Variants in C17orf75 observed in about 807,000 individuals in gnomAD.
The protein encoded by C17orf75 is protein Njmu-R1.
A neutral mutation model predicts 49.6 loss-of-function variants in C17orf75; 32 were observed. The observed-to-expected ratio is 0.65, with a 90% CI of 0.49 to 0.87. C17orf75 has a LOEUF of 0.87. Among genes scored for constraint, C17orf75 ranks in the 40% least tolerant of loss-of-function variants. The pLI, the probability that C17orf75 is intolerant of heterozygous loss-of-function variation, is 0.00. For synonymous variants in C17orf75, 158 were observed against 159.5 expected, an observed-to-expected ratio of 0.99 and a Z score of 0.07; for missense variants, 428 against 473.9, an observed-to-expected ratio of 0.90 and a Z score of 0.90.
Position 32,342,134 on chromosome 17 carries a change from G to A in C17orf75, c.6C>T (p.Leu2=), listed in dbSNP as rs747363400. The A allele has an allele frequency of 1.1e-5, 17 of 1,598,408 alleles. No individual in the cohort carries two copies. The highest frequency in any genetic ancestry group is 1.3e-5 in the Non-Finnish European group (15 of 1,173,440). ...CATCCATCGACTCCTGCAAAGAGGG[G>A]AGCATTGCGGCGGCCTCTGAGCGGC... M[L]PSLQESMDGD... is the part of the protein sequence containing the mutation. The change falls in exon 1 of 10, where the codon CTC becomes CTT. Residue 2 remains leucine, a synonymous_variant. Coordinates refer to ENST00000577809, the MANE Select transcript of C17orf75 (RefSeq NM_022344.4).
chr17:32,348,215 G>T (rs1214881389), intron 1 of C17orf75, among the ~76,000 whole-genome samples: 1 of 151,744 alleles, frequency 6.6e-6, no homozygotes, highest in Non-Finnish European at 1.5e-5. Context: ...TAAAGACCGG[G>T]TTTCACCATG....
At chr17:32,332,086 C>T in intron 9 of C17orf75, 108 bp from the exon 10 acceptor site, 1 of 902,768 alleles carries the variant, frequency 1.1e-6, no homozygotes. Context: ...GAATTGTTTG[C>T]TTTTCATATT....
chr17:32,347,672 C>T (rs1227009173), intron 1 of C17orf75, among the ~76,000 whole-genome samples: 1 of 152,108 alleles, frequency 6.6e-6, no homozygotes, highest in East Asian at 1.9e-4. Context: ...CTTGCTGCAT[C>T]CTCATTTGGT....
chr17:32,331,961 G>C lies in C17orf75; in HGVS notation c.993C>G (p.Asn331Lys). 9 of 1,612,034 alleles carry C rather than the reference G, an allele frequency of 5.6e-6. No individual in the cohort carries two copies. Among genetic ancestry groups the C allele is most frequent in the Non-Finnish European group, 5.9e-6 (7 of 1,179,104 alleles). Residue 331 changes from asparagine to lysine, a missense_variant, in exon 10 of 10, where the codon AAC becomes AAG. By Grantham distance (94) the Asn-to-Lys change is moderately conservative (BLOSUM62 0). Transcript: ENST00000577809. The part of the protein sequence containing the change: ...NFKLKAIQDT[N>K]NLKRFIRQAE... ...CCTGTCGGATAAATCTCTTCAAATT[G>C]TTTGTGTCTTGTATGGCCTAGAAAA...
At position 32,335,310 on chromosome 17, in the gene C17orf75, T is replaced by C. The variant is rs759435971; in HGVS notation, c.669+13A>G. 7.4e-6 allele frequency: 12 copies of C among 1,612,934 alleles called. No individual in the cohort carries two copies. The highest frequency in any genetic ancestry group is 9.3e-6 in the Non-Finnish European group (11 of 1,179,514). On this transcript the variant is annotated intron_variant, in intron 6 of 9. Coordinates refer to ENST00000577809, the MANE Select transcript of C17orf75 (RefSeq NM_022344.4). Reference sequence around the variant, plus strand: ...TCTCAGTTAAGGAAATGCTCTCATTTGGCAGTACTTACAGCATGTAGCAGA... The same window carrying C: ...TCTCAGTTAAGGAAATGCTCTCATTCGGCAGTACTTACAGCATGTAGCAGA...
chr17:32,341,092 C>T (rs1430830861), intron 2 of C17orf75, 112 bp downstream of exon 2: 20 of 1,128,658 alleles, frequency 1.8e-5, no homozygotes, highest in African/African-American at 3.1e-5. Context: ...GAGGAATTGA[C>T]GGTTTGACTC....
In C17orf75 at chr17:32,334,846, G is replaced by C; in HGVS notation, c.670-7C>G. ...CAGGAGTGTAACTCAAAGCCTATGA[G>C]AGAAAAATAAAGCCTGATTGGTACA... is the stretch of plus-strand genomic sequence containing the variant. On this transcript the variant is annotated splice_polypyrimidine_tract_variant and splice_region_variant and intron_variant, in intron 6 of 9. Transcript: ENST00000577809. 6.2e-7 allele frequency: 1 copy of C among 1,600,946 alleles called. No individual in the cohort carries two copies. Among genetic ancestry groups the C allele is most frequent in the Non-Finnish European group, 8.5e-7 (1 of 1,174,740 alleles).
intron 1 of C17orf75, among the ~76,000 whole-genome samples, chr17:32,341,512 C>CA (rs2041380128): frequency 6.6e-6 from 1 of 152,088 alleles, no homozygotes; most frequent in South Asian, 2.1e-4. Flanking sequence ...CCAGAAGGTT[C>CA]AAGGAAACTC....
In C17orf75 at chr17:32,331,725, T is replaced by G. The variant is rs775609529; in HGVS notation, c.*38A>C. 5 of 1,509,440 alleles carry G rather than the reference T, an allele frequency of 3.3e-6. No homozygotes were observed. The highest frequency in any genetic ancestry group is 3.7e-6 in the Non-Finnish European group (4 of 1,086,150). 93.5% of individuals were successfully genotyped at this position (1,509,440 alleles called of 1,614,324 possible). A position where few individuals can be genotyped will look rare whatever the true frequency, so the allele number is the denominator to read the frequency against. On this transcript the variant is annotated 3_prime_UTR_variant, in exon 10 of 10. Transcript: ENST00000577809. ...GCAATTTCAAACACTAAGACTTAAA[T>G]ATACAACTTGATCATACAATTATCT...
At chr17:32,334,160 T>C (rs1196287683) in intron 8 of C17orf75, among the ~76,000 whole-genome samples, 2 of 152,258 alleles carry the variant, frequency 1.3e-5, no homozygotes, top group African/African-American at 4.8e-5. Flanking sequence ...AGTTTTCTTG[T>C]TGATAAACAC....
At chr17:32,349,220 C>T (rs1167177097) in intron 1 of C17orf75, among the ~76,000 whole-genome samples, 1 of 152,166 alleles carries the variant, frequency 6.6e-6, no homozygotes, top group Non-Finnish European at 1.5e-5. Flanking sequence ...GCCTCAAAGA[C>T]TTAAACTCTT....
At chr17:32,339,676 A>T in intron 3 of C17orf75, 137 bp downstream of exon 3, 2 of 1,082,616 alleles carry the variant, frequency 1.8e-6, no homozygotes, top group South Asian at 1.6e-5. Context: ...TTTATGTGTG[A>T]GGCCCAGTGC....
At chr17:32,340,692 G>A (rs1399170056) in intron 2 of C17orf75, among the ~76,000 whole-genome samples, 2 of 151,652 alleles carry the variant, frequency 1.3e-5, no homozygotes, top group Non-Finnish European at 2.9e-5. Flanking sequence ...GCTCATGCCT[G>A]TAATCCCAAC....
At chr17:32,335,293 A>G in intron 6 of C17orf75, 30 bp downstream of exon 6, 1 of 1,610,492 alleles carries the variant, frequency 6.2e-7, no homozygotes, top group Non-Finnish European at 8.5e-7. Context: ...ATTCTCAGTT[A>G]AGGAAATGCT....
rs570158260 is a variant in C17orf75 at position 32,334,347 on chromosome 17, G to T, written c.871+122C>A. 2.8e-5 allele frequency: 36 copies of T among 1,275,518 alleles called. No individual in the cohort carries two copies. The Admixed American group carries it at 6.9e-4, about 25-fold the overall frequency. The allele number at this position is 1,275,518 out of a possible 1,614,324, so 79.0% of individuals were successfully genotyped here. On this transcript the variant is annotated intron_variant, in intron 8 of 9. Transcript: ENST00000577809. ...TGTTTTCACCAAGTGGTTTCTCATGGTTTGAGATAACCATGTAAAACTGCA... is the reference window on the plus strand; with the variant it reads ...TGTTTTCACCAAGTGGTTTCTCATGTTTTGAGATAACCATGTAAAACTGCA...
chr17:32,337,346 C>A (rs916910083), intron 5 of C17orf75, among the ~76,000 whole-genome samples: 2 of 151,798 alleles, frequency 1.3e-5, no homozygotes, highest in Non-Finnish European at 2.9e-5. Context: ...GCCTGTAGTC[C>A]CAGCTGTTTA....
rs1403299210 is a variant in C17orf75, at chr17:32,330,862, T to C, written c.*901A>G. ...CTTTCTCTCAGAGATAATTATTTTT[T>C]TTTTTGAGACAGAGTCTCGCTCTGT... On this transcript the variant is annotated 3_prime_UTR_variant, in exon 10 of 10. Coordinates refer to ENST00000577809, the MANE Select transcript of C17orf75 (RefSeq NM_022344.4). The C allele has an allele frequency of 6.6e-6, 1 of 152,182 alleles. No homozygotes were observed. Among genetic ancestry groups the C allele is most frequent in the Non-Finnish European group, 1.5e-5 (1 of 68,022 alleles). 9.4% of individuals were successfully genotyped at this position (152,182 alleles called of 1,614,324 possible).
intron 1 of C17orf75, 124 bp downstream of exon 1, chr17:32,341,873 AGAG>A (rs2041383190): frequency 2.0e-5 from 22 of 1,081,270 alleles, no homozygotes; most frequent in Admixed American, 1.1e-4. Flanking sequence ...CTTGGCTGGG[AGAG>A]GAGAAGATGG....
chr17:32,343,625 G>A (rs1597739745), upstream of C17orf75: 1 of 486,050 alleles, frequency 2.1e-6, no homozygotes, highest in Non-Finnish European at 3.7e-6. Context: ...TGATGAACAA[G>A]TGAGTATAGC....
Sources: allele counts gnomAD v4.1 joint callset (sites outside exome capture counted in the v4.1 genomes callset), GRCh38; gene constraint gnomAD v4.1.1; transcripts MANE v1.5; gene names NCBI Gene and HGNC (gene_info 2026-07-23, HGNC 2026-07-21).